MCTP1: variants seen among roughly 807,000 people sequenced by gnomAD.
MCTP1 encodes the protein multiple C2 and transmembrane domain containing 1.
In MCTP1, 69 loss-of-function variants were observed where a neutral mutation model predicts 120.6. The ratio of observed to expected loss-of-function variants is 0.57; its 90% CI spans 0.47 to 0.70. The LOEUF (loss-of-function observed/expected upper bound fraction) is 0.70. Ranked by LOEUF, MCTP1 falls within the 30% of genes least tolerant of loss-of-function variation. The probability of loss-of-function intolerance (pLI) is 0.00; values close to 1 mark genes in which losing one functional copy is unlikely to be tolerated. For synonymous variants in MCTP1, 529 were observed against 493.1 expected, an observed-to-expected ratio of 1.07 and a Z score of -0.96; for missense variants, 1,203 against 1,248.8, an observed-to-expected ratio of 0.96 and a Z score of 0.55.
intron 12 of MCTP1, among the ~76,000 whole-genome samples, chr5:94,884,872 C>A (rs116166186): frequency 6.6e-6 from 1 of 152,256 alleles, no homozygotes; most frequent in Non-Finnish European, 1.5e-5. Context: ...ACAATGAAGA[C>A]AGTTTTCCAA....
intron 1 of MCTP1, among the ~76,000 whole-genome samples, chr5:95,265,933 T>C (rs1303424275): frequency 6.6e-6 from 1 of 152,104 alleles, no homozygotes; most frequent in East Asian, 1.9e-4. Context: ...GGCAAAGGAA[T>C]CTCGCTTCTG....
chr5:95,008,112 C>T (rs1396691762), intron 2 of MCTP1, among the ~76,000 whole-genome samples: 1 of 152,080 alleles, frequency 6.6e-6, no homozygotes, highest in Non-Finnish European at 1.5e-5. Flanking sequence ...TAGTTAGAAC[C>T]AAGGTAGCCA....
intron 2 of MCTP1, among the ~76,000 whole-genome samples, chr5:94,963,851 C>T (rs1430321080): frequency 6.6e-6 from 1 of 152,142 alleles, no homozygotes; most frequent in Admixed American, 6.5e-5. Context: ...GCTTTCGTTG[C>T]CTGTGCTTTT....
chr5:95,001,658 A>T (rs1833716594), intron 2 of MCTP1, among the ~76,000 whole-genome samples: 1 of 152,154 alleles, frequency 6.6e-6, no homozygotes, highest in Admixed American at 6.5e-5. Flanking sequence ...GGAATTTTGA[A>T]CTTGAGAGAG....
At chr5:95,139,367 G>A (rs1261845086) in intron 1 of MCTP1, among the ~76,000 whole-genome samples, 5 of 152,152 alleles carry the variant, frequency 3.3e-5, no homozygotes, top group Non-Finnish European at 4.4e-5. Context: ...TTTTCTTTCC[G>A]GCAAATGCAA....
chr5:94,826,718 G>T (rs1295802247), intron 17 of MCTP1: 3 of 363,018 alleles, frequency 8.3e-6, no homozygotes, highest in African/African-American at 4.7e-5. Context: ...AAAAGAGGAA[G>T]TTGACACATC....
At position 95,066,664 on chromosome 5, in the gene MCTP1, A is replaced by G. The variant is rs1182634582; in HGVS notation, c.721-49180T>C. ...ACATAATGGAATACTTTTCAGTTAT[A>G]AAAAAGAATGAAATCCTGTCATTTG... On this transcript the variant is annotated intron_variant, in intron 1 of 22. Transcript: ENST00000515393. 9.2e-5 allele frequency among the ~76,000 whole-genome samples: 14 copies of G among 152,336 alleles called. No individual in the cohort carries two copies. In the East Asian group the frequency reaches 2.3e-3, roughly 25 times the overall value.
chr5:94,824,773 T>C (rs1296451243), intron 17 of MCTP1, among the ~76,000 whole-genome samples: 3 of 152,200 alleles, frequency 2.0e-5, no homozygotes, highest in Admixed American at 6.5e-5. Context: ...TGGGAGGGTG[T>C]ATGTGTCCAG....
chr5:94,764,835 A>G (rs1772194502), intron 19 of MCTP1, among the ~76,000 whole-genome samples: 1 of 150,594 alleles, frequency 6.6e-6, no homozygotes, highest in South Asian at 2.1e-4. Flanking sequence ...GACCAAAAAA[A>G]AAAAAAAAAA....
chr5:94,968,894 G>A (rs1450203038), intron 2 of MCTP1, among the ~76,000 whole-genome samples: 1 of 152,128 alleles, frequency 6.6e-6, no homozygotes, highest in African/African-American at 2.4e-5. Context: ...AAGTACGAAA[G>A]ATGAATCTAG....
intron 1 of MCTP1, among the ~76,000 whole-genome samples, chr5:95,082,092 T>C (rs938702404): frequency 2.0e-5 from 3 of 152,152 alleles, no homozygotes; most frequent in Non-Finnish European, 4.4e-5. Flanking sequence ...AGAAGTGGCA[T>C]GCTTTACAAC....
At chr5:95,227,818 A>C (rs1414123129) in intron 1 of MCTP1, among the ~76,000 whole-genome samples, 2 of 152,166 alleles carry the variant, frequency 1.3e-5, no homozygotes, top group Non-Finnish European at 1.5e-5. Context: ...GATGCAAAGC[A>C]TTTATCAAAC....
chr5:94,763,123 C>T (rs1242755309), intron 19 of MCTP1, among the ~76,000 whole-genome samples: 8 of 152,124 alleles, frequency 5.3e-5, no homozygotes, highest in Non-Finnish European at 1.0e-4. Context: ...GTTAAAGATG[C>T]CTTTATTTCT....
At chr5:94,788,151 T>C (rs1229959192) in intron 18 of MCTP1, among the ~76,000 whole-genome samples, 1 of 152,224 alleles carries the variant, frequency 6.6e-6, no homozygotes, top group Non-Finnish European at 1.5e-5. Flanking sequence ...TAAGCAACGC[T>C]ACCAGAACAT....
intron 1 of MCTP1, among the ~76,000 whole-genome samples, chr5:95,231,760 A>G (rs1346254110): frequency 6.6e-6 from 1 of 152,216 alleles, no homozygotes; most frequent in East Asian, 1.9e-4. Context: ...AAAAATAAAA[A>G]TATATTGTGG....
intron 1 of MCTP1, among the ~76,000 whole-genome samples, chr5:95,114,904 A>G (rs563107017): frequency 1.5e-4 from 23 of 152,148 alleles, no homozygotes; most frequent in Admixed American, 2.0e-4. Flanking sequence ...TGCTTGTGTC[A>G]CTCCACTCCC....
intron 6 of MCTP1, among the ~76,000 whole-genome samples, chr5:94,928,091 G>T (rs58599809): frequency 6.6e-6 from 1 of 151,892 alleles, no homozygotes; most frequent in Non-Finnish European, 1.5e-5. Flanking sequence ...ATTGCAATGC[G>T]TATGTTTTTA....
At chr5:94,860,050 T>A (rs566805) in intron 17 of MCTP1, among the ~76,000 whole-genome samples, 115,979 of 151,490 alleles carry the variant, frequency 0.77, 44,997 homozygotes, top group Non-Finnish European at 0.83. Flanking sequence ...AAACATAATA[T>A]ATTTACATAT....
intron 1 of MCTP1, among the ~76,000 whole-genome samples, chr5:95,119,894 C>T (rs149506017): frequency 6.1e-4 from 93 of 151,998 alleles, no homozygotes; most frequent in African/African-American, 2.1e-3. Context: ...TCCCAGCAGC[C>T]GGGCGCGGTG....
Sources: gnomAD v4.1 joint callset for allele counts (sites outside exome capture counted in the v4.1 genomes callset) on GRCh38, gnomAD v4.1.1 for gene constraint, MANE v1.5 for transcripts, NCBI Gene and HGNC (gene_info 2026-07-23, HGNC 2026-07-21) for gene names.